The following GMDS variants were observed in gnomAD, a reference collection of about 807,000 sequenced individuals.
The protein encoded by GMDS is GDP-mannose 4,6 dehydratase.
In GMDS, 20 loss-of-function variants were observed where a neutral mutation model predicts 49.9. The observed-to-expected ratio is 0.40, with a 90% CI of 0.28 to 0.58. The LOEUF (loss-of-function observed/expected upper bound fraction) is 0.58, where lower values mean the gene tolerates loss of function less well. Among genes scored for constraint, GMDS ranks in the 20% least tolerant of loss-of-function variants. GMDS has a pLI of 0.42. For missense variants in GMDS, 362 were observed against 481.4 expected, an observed-to-expected ratio of 0.75 and a Z score of 2.32; for synonymous variants, 177 against 178.6, an observed-to-expected ratio of 0.99 and a Z score of 0.07.
chr6:1,861,646 G>A (rs1219050131), intron 7 of GMDS, among the ~76,000 whole-genome samples: 1 of 151,492 alleles, frequency 6.6e-6, no homozygotes. Context: ...AAAAAAATGC[G>A]AAAAGGCAGG....
At chr6:1,706,441 C>G (rs1049559876) in intron 9 of GMDS, among the ~76,000 whole-genome samples, 6 of 152,248 alleles carry the variant, frequency 3.9e-5, no homozygotes, top group East Asian at 1.9e-4. Context: ...GTGAAAAATA[C>G]TTGTCTCTTT....
chr6:1,834,100 G>A (rs1756809699), intron 7 of GMDS, among the ~76,000 whole-genome samples: 2 of 152,174 alleles, frequency 1.3e-5, no homozygotes, highest in African/African-American at 4.8e-5. Flanking sequence ...GTTCAATCCT[G>A]GTAGGTTACG....
chr6:1,624,996 C>T (rs944828454), intron 9 of GMDS: 1 of 153,196 alleles, frequency 6.5e-6, no homozygotes, highest in African/African-American at 2.4e-5. Context: ...TGCCGCAGGG[C>T]TGGCCGCGCC....
intron 9 of GMDS, among the ~76,000 whole-genome samples, chr6:1,643,361 C>A (rs1419139066): frequency 6.6e-6 from 1 of 152,164 alleles, no homozygotes; most frequent in Non-Finnish European, 1.5e-5. Context: ...GAAAACGAAC[C>A]CTGACTGCCC....
chr6:2,160,698 G>T (rs530398178), intron 1 of GMDS, among the ~76,000 whole-genome samples: 19 of 152,076 alleles, frequency 1.2e-4, no homozygotes, highest in Admixed American at 3.3e-4. Context: ...ACCACACCTG[G>T]CTAATTTTTT....
intron 9 of GMDS, among the ~76,000 whole-genome samples, chr6:1,649,873 G>C (rs774384783): frequency 1.3e-5 from 2 of 152,218 alleles, no homozygotes; most frequent in African/African-American, 4.8e-5. Flanking sequence ...GTCACTTTAT[G>C]AGGGTGGCCA....
In GMDS at chr6:2,180,552, T is replaced by C. The variant is rs188138364; in HGVS notation, c.103-55821A>G. ...CTCACTGACTTAAGAAGAATTGTGA[T>C]AAAGCTATATAGTAGCCCACAATAT... On this transcript the variant is annotated intron_variant, in intron 1 of 10. Transcript: ENST00000380815. Among the ~76,000 whole-genome samples, 248 of 152,324 alleles carry C rather than the reference T, an allele frequency of 1.6e-3. 1 individual carries two copies. The highest frequency in any genetic ancestry group is 3.0e-3 in the Non-Finnish European group (207 of 68,024).
intron 4 of GMDS, among the ~76,000 whole-genome samples, chr6:1,991,704 G>A (rs1765949477): frequency 6.6e-6 from 1 of 152,158 alleles, no homozygotes; most frequent in Non-Finnish European, 1.5e-5. Context: ...GTTGCCTAGT[G>A]TGGGATTGAA....
intron 4 of GMDS, among the ~76,000 whole-genome samples, chr6:1,983,517 T>C (rs1765349867): frequency 6.6e-6 from 1 of 152,068 alleles, no homozygotes; most frequent in Non-Finnish European, 1.5e-5. Flanking sequence ...CATTAGGAAC[T>C]TAAATCTACA....
chr6:1,832,464 G>C (rs1382404673), intron 7 of GMDS, among the ~76,000 whole-genome samples: 1 of 151,992 alleles, frequency 6.6e-6, no homozygotes, highest in African/African-American at 2.4e-5. Context: ...TCTGTGACTG[G>C]AGTGATGGCT....
chr6:1,902,653 T>C (rs983309608), intron 7 of GMDS, among the ~76,000 whole-genome samples: 1 of 152,200 alleles, frequency 6.6e-6, no homozygotes, highest in Non-Finnish European at 1.5e-5. Flanking sequence ...AAAAAAATAG[T>C]AAGACGCTAT....
intron 1 of GMDS, among the ~76,000 whole-genome samples, chr6:2,148,878 C>T (rs1016364520): frequency 2.0e-5 from 3 of 152,188 alleles, no homozygotes; most frequent in African/African-American, 4.8e-5. Flanking sequence ...TGCAGCAATA[C>T]GGTAGAACAC....
At chr6:1,914,913 C>A (rs1214782759) in intron 7 of GMDS, among the ~76,000 whole-genome samples, 2 of 152,336 alleles carry the variant, frequency 1.3e-5, no homozygotes, top group African/African-American at 4.8e-5. Context: ...CTGCTTAGGC[C>A]TGGGCAGAAG....
rs1465261619 is a variant in GMDS, at chr6:1,635,039, G to A, written c.988-10499C>T. ...GCGAAGTTCTCCTAGTGGAGTCTGC[G>A]TGTGCCTCTCACCACAGCCCTGCCA... On this transcript the variant is annotated intron_variant, in intron 9 of 10. Transcript: ENST00000380815. The surrounding 1 kb of genome is among the most constrained non-coding windows in gnomAD (Gnocchi z 4.7). 6.6e-6 allele frequency among the ~76,000 whole-genome samples: 1 copy of A among 152,170 alleles called. No homozygotes were observed. Among genetic ancestry groups the A allele is most frequent in the Non-Finnish European group, 1.5e-5 (1 of 68,044 alleles).
chr6:2,095,794 T>C (rs1005572539), intron 4 of GMDS, among the ~76,000 whole-genome samples: 14 of 152,198 alleles, frequency 9.2e-5, no homozygotes, highest in African/African-American at 2.9e-4. Context: ...TTCAATGATA[T>C]ATCTAATGTG....
intron 4 of GMDS, among the ~76,000 whole-genome samples, chr6:2,079,998 T>C (rs1280761181): frequency 1.3e-5 from 2 of 152,176 alleles, no homozygotes; most frequent in Non-Finnish European, 2.9e-5. Context: ...AATTATTCTT[T>C]TTTATTCTTT....
chr6:2,030,745 G>A (rs370180496), intron 4 of GMDS, among the ~76,000 whole-genome samples: 37 of 152,232 alleles, frequency 2.4e-4, no homozygotes, highest in Non-Finnish European at 4.3e-4. Flanking sequence ...GGCCGTGTGC[G>A]CTAGATAAAC....
intron 9 of GMDS, among the ~76,000 whole-genome samples, chr6:1,674,556 CTCTCTTTTTTTT>C (rs1278407378): frequency 0.016 from 1,347 of 85,244 alleles, 15 homozygotes; most frequent in African/African-American, 0.048. Context: ...CTCTCTCTCT[CTCTCTTTTTTTT>C]TTTTTTTTTT....
intron 1 of GMDS, among the ~76,000 whole-genome samples, chr6:2,207,495 C>T (rs1400287140): frequency 1.3e-5 from 2 of 151,970 alleles, no homozygotes; most frequent in Admixed American, 1.3e-4. Context: ...GAAGTGAAGA[C>T]TAACTGGTTG....
Sources: gnomAD v4.1 joint callset for allele counts (sites outside exome capture counted in the v4.1 genomes callset) on GRCh38, gnomAD v4.1.1 for gene constraint, Gnocchi (gnomAD v3.1) non-coding constraint, MANE v1.5 for transcripts, NCBI Gene and HGNC (gene_info 2026-07-23, HGNC 2026-07-21) for gene names.